SASH1: variants seen among roughly 807,000 people sequenced by gnomAD.
The protein encoded by SASH1 is SAM and SH3 domain-containing protein 1.
A neutral mutation model predicts 125.2 loss-of-function variants in SASH1; 44 were observed. The ratio of observed to expected loss-of-function variants is 0.35; its 90% confidence interval spans 0.28 to 0.45. The LOEUF is 0.45. SASH1 is among the 20% of genes least tolerant of loss of function. The pLI, the probability that SASH1 is intolerant of heterozygous loss-of-function variation, is 1.00. For missense variants in SASH1, 1,426 were observed against 1,614.5 expected (o/e 0.88, Z 2.00); for synonymous variants, 639 against 649.1 (o/e 0.98, Z 0.24).
At chr6:148,252,874 A>G in the SASH1 span, among the ~76,000 whole-genome samples, 1 of 152,162 alleles carries the variant, frequency 6.6e-6, no homozygotes, top group Non-Finnish European at 1.5e-5. Context: ...TGGACTTAGA[A>G]TTTCATCTCC....
At chr6:148,311,754 A>G (rs935296756) in intron 1 of SASH1, among the ~76,000 whole-genome samples, 8 of 152,206 alleles carry the variant, frequency 5.3e-5, no homozygotes, top group Non-Finnish European at 1.0e-4. Flanking sequence ...CAGTGAGCCA[A>G]AATGGCACCA....
intron 1 of SASH1, among the ~76,000 whole-genome samples, chr6:148,284,708 C>G (rs1222093693): frequency 6.6e-6 from 1 of 152,170 alleles, no homozygotes; most frequent in Non-Finnish European, 1.5e-5. Flanking sequence ...GTATAATATT[C>G]CAACTCATAG....
the SASH1 span, among the ~76,000 whole-genome samples, chr6:148,229,306 T>C: frequency 6.6e-6 from 1 of 152,208 alleles, no homozygotes; most frequent in Non-Finnish European, 1.5e-5. Flanking sequence ...CATAAAAGAC[T>C]TGGGGAGGGT....
the SASH1 span, among the ~76,000 whole-genome samples, chr6:148,233,581 T>C: frequency 6.6e-6 from 1 of 151,774 alleles, no homozygotes; most frequent in Non-Finnish European, 1.5e-5. Context: ...CATTAAGCAA[T>C]GAATTACATG....
At chr6:148,435,061 G>GA (rs1776237485) in intron 2 of SASH1, among the ~76,000 whole-genome samples, 3 of 151,284 alleles carry the variant, frequency 2.0e-5, no homozygotes, top group South Asian at 2.1e-4. Flanking sequence ...GAGGAAATAA[G>GA]AAAAAAATAT....
chr6:148,522,438 A>G (rs1193776453), intron 10 of SASH1, among the ~76,000 whole-genome samples: 1 of 152,180 alleles, frequency 6.6e-6, no homozygotes, highest in Non-Finnish European at 1.5e-5. Context: ...CATTTTATCT[A>G]AAAGTTTCCT....
At chr6:148,383,499 G>C (rs894796354) in intron 1 of SASH1, among the ~76,000 whole-genome samples, 1 of 152,172 alleles carries the variant, frequency 6.6e-6, no homozygotes, top group Admixed American at 6.5e-5. Flanking sequence ...GGGAGTTAGA[G>C]CAACACACAT....
chr6:148,323,770 T>C (rs1780715240), intron 1 of SASH1, among the ~76,000 whole-genome samples: 1 of 152,068 alleles, frequency 6.6e-6, no homozygotes, highest in Non-Finnish European at 1.5e-5. Flanking sequence ...CAGGCATACA[T>C]GAGCCACATG....
At chr6:148,243,983 G>C in the SASH1 span, among the ~76,000 whole-genome samples, 1 of 152,274 alleles carries the variant, frequency 6.6e-6, no homozygotes, top group South Asian at 2.1e-4. Flanking sequence ...AGCCTCAGGG[G>C]ACACTCTCTG....
intron 2 of SASH1, chr6:148,393,799 C>A: frequency 1.2e-6 from 1 of 839,766 alleles, no homozygotes; most frequent in Non-Finnish European, 1.4e-6. Flanking sequence ...GGAGCTGATT[C>A]AAGCCAGGCT....
chr6:148,212,593 A>G, the SASH1 span, among the ~76,000 whole-genome samples: 2 of 152,298 alleles, frequency 1.3e-5, no homozygotes, highest in East Asian at 3.9e-4. Context: ...AAATACGTGT[A>G]TATCTGATTA....
At position 148,471,992 on chromosome 6, in the gene SASH1, C is replaced by T. The variant is rs114179609; in HGVS notation, c.514+489C>T. 6.2e-3 allele frequency among the ~76,000 whole-genome samples: 941 copies of T among 152,240 alleles called. 11 individuals are homozygous for T. Among genetic ancestry groups the T allele is most frequent in the African/African-American group, 0.021 (880 of 41,534 alleles). On this transcript the variant is annotated intron_variant, in intron 6 of 19. Transcript: ENST00000367467. ...TGGTCTGACATCATGGGAATTTGCCCGGGCGGCTTTGTGAAGGGAGTTCTG... is the reference window on the plus strand; with the variant it reads ...TGGTCTGACATCATGGGAATTTGCCTGGGCGGCTTTGTGAAGGGAGTTCTG...
At chr6:148,225,404 G>T in the SASH1 span, among the ~76,000 whole-genome samples, 2 of 133,806 alleles carry the variant, frequency 1.5e-5, no homozygotes, top group East Asian at 2.2e-4. Context: ...AAAAAGGAAT[G>T]AAATAATGTT....
intron 1 of SASH1, among the ~76,000 whole-genome samples, chr6:148,281,677 C>T (rs145200022): frequency 1.7e-4 from 26 of 152,146 alleles, no homozygotes; most frequent in African/African-American, 5.5e-4. Flanking sequence ...AATCCCAGCA[C>T]TTTGGGAGGC....
chr6:148,493,075 G>A (rs1779176236), intron 8 of SASH1, among the ~76,000 whole-genome samples: 1 of 152,074 alleles, frequency 6.6e-6, no homozygotes, highest in African/African-American at 2.4e-5. Flanking sequence ...TTCTCTTTTG[G>A]CTGAGAGGCG....
chr6:148,393,041 ATTTTTTT>A (rs11368073), intron 2 of SASH1, among the ~76,000 whole-genome samples: 37 of 78,112 alleles, frequency 4.7e-4, no homozygotes, highest in African/African-American at 2.0e-3. Context: ...GAATGTTTCA[ATTTTTTT>A]TTTTTTTTTT....
At chr6:148,212,953 A>T in the SASH1 span, among the ~76,000 whole-genome samples, 1 of 152,144 alleles carries the variant, frequency 6.6e-6, no homozygotes. Flanking sequence ...GCTTCAGGGG[A>T]GGGGACTCAG....
At chr6:148,391,632 CAG>C (rs1783734848) in intron 2 of SASH1, among the ~76,000 whole-genome samples, 1 of 152,086 alleles carries the variant, frequency 6.6e-6, no homozygotes, top group South Asian at 2.1e-4. Flanking sequence ...TGTGTATAAT[CAG>C]AGATGCATTT....
At chr6:148,252,086 T>A in the SASH1 span, among the ~76,000 whole-genome samples, 1 of 152,126 alleles carries the variant, frequency 6.6e-6, no homozygotes, top group Non-Finnish European at 1.5e-5. Context: ...TGCACCCATA[T>A]GAAGTAAACT....
Sources: allele counts gnomAD v4.1 joint callset (sites outside exome capture counted in the v4.1 genomes callset), GRCh38; gene constraint gnomAD v4.1.1; transcripts MANE v1.5; gene names NCBI Gene and HGNC (gene_info 2026-07-23, HGNC 2026-07-21).